MTMR3: variants seen among roughly 807,000 people sequenced by gnomAD.
MTMR3 encodes phosphatidylinositol-3,5-bisphosphate 3-phosphatase MTMR3.
Under a neutral mutation model 132.4 loss-of-function variants are expected in MTMR3, and 32 were observed. The ratio of observed to expected loss-of-function variants is 0.24; its 90% CI spans 0.18 to 0.32. MTMR3 has a LOEUF of 0.32. Ranked by LOEUF, MTMR3 falls within the 10% of genes least tolerant of loss-of-function variation. The probability of loss-of-function intolerance (pLI) is 1.00; values close to 1 mark genes in which losing one functional copy is unlikely to be tolerated. For missense variants in MTMR3, 1,216 were observed against 1,489.6 expected (o/e 0.82, Z 3.02); for synonymous variants, 556 against 550.3 (o/e 1.01, Z -0.14).
intron 1 of MTMR3, among the ~76,000 whole-genome samples, chr22:29,938,589 A>G (rs537560974): frequency 6.6e-6 from 1 of 152,216 alleles, no homozygotes; most frequent in African/African-American, 2.4e-5. Flanking sequence ...CTTCTTTTCC[A>G]TAGCTCACTG....
chr22:30,006,859 C>T, intron 9 of MTMR3: 1 of 435,470 alleles, frequency 2.3e-6, no homozygotes. Flanking sequence ...CATGCCTGAC[C>T]CCTGTTAGTC....
At chr22:30,005,863 A>G (rs1406154746) in intron 9 of MTMR3, 1 of 152,232 alleles carries the variant, frequency 6.6e-6, no homozygotes, top group East Asian at 1.9e-4. Flanking sequence ...CTAGTAAAAC[A>G]TAGAGTGCTT....
Position 30,022,551 on chromosome 22 carries a change from C to T in MTMR3, c.3337-58C>T, listed in dbSNP as rs5763704. 7 of 1,478,326 alleles carry T rather than the reference C, an allele frequency of 4.7e-6. No individual in the cohort carries two copies. In the African/African-American group the frequency reaches 5.5e-5, roughly 12 times the overall value. The allele number at this position is 1,478,326 out of a possible 1,614,324, so 91.6% of individuals were successfully genotyped here. On this transcript the variant is annotated intron_variant, in intron 18 of 19. Coordinates refer to ENST00000401950, the MANE Select transcript of MTMR3 (RefSeq NM_021090.4). ...TCTTGCTGCCCCCAGCATGGCTCTG[C>T]TGGCTCCAGCTGGATGGCCCATCTC...
In MTMR3 at chr22:29,957,290, C is replaced by G. The variant is rs187549306; in HGVS notation, c.-85+202C>G. On this transcript the variant is annotated intron_variant, in intron 2 of 19. Transcript: ENST00000401950. ...TTTTTTTTTTCACTAGGACTCATAC[C>G]AGGTCACTTTTTCTATATATAATTG... Among the ~76,000 whole-genome samples the G allele has an allele frequency of 4.4e-3, 666 of 150,038 alleles. 6 individuals are homozygous for G. Among genetic ancestry groups the G allele is most frequent in the African/African-American group, 0.015 (628 of 40,534 alleles).
At chr22:29,967,224 TG>T (rs2066441818) in intron 2 of MTMR3, among the ~76,000 whole-genome samples, 1 of 112,536 alleles carries the variant, frequency 8.9e-6, no homozygotes, top group East Asian at 4.7e-4. Context: ...TGTGTGTGTG[TG>T]TGTGTGTGCA....
intron 2 of MTMR3, among the ~76,000 whole-genome samples, chr22:29,964,974 T>C (rs973456909): frequency 2.0e-5 from 3 of 152,150 alleles, no homozygotes; most frequent in East Asian, 3.8e-4. Flanking sequence ...TTCAAAATTA[T>C]CAAGGTCTTT....
chr22:29,901,001 T>C (rs558157167), intron 1 of MTMR3, among the ~76,000 whole-genome samples: 1 of 152,314 alleles, frequency 6.6e-6, no homozygotes, highest in South Asian at 2.1e-4. Flanking sequence ...CCTGTGCTCT[T>C]TTTTTGTTAT....
At chr22:29,920,076 T>C (rs556036553) in intron 1 of MTMR3, among the ~76,000 whole-genome samples, 91 of 152,098 alleles carry the variant, frequency 6.0e-4, no homozygotes, top group African/African-American at 2.0e-3. Flanking sequence ...TAGCTGGGCA[T>C]GTTGGCACGT....
At chr22:29,887,410 G>A (rs371830705) in intron 1 of MTMR3, among the ~76,000 whole-genome samples, 8 of 152,202 alleles carry the variant, frequency 5.3e-5, no homozygotes, top group African/African-American at 1.9e-4. Context: ...TATTAGAATC[G>A]TATTGTATTA....
chr22:29,936,875 A>G (rs1322085324), intron 1 of MTMR3, among the ~76,000 whole-genome samples: 1 of 152,174 alleles, frequency 6.6e-6, no homozygotes, highest in Non-Finnish European at 1.5e-5. Flanking sequence ...AATATTAAAA[A>G]ATATGGCCCC....
At chr22:29,928,048 C>A (rs2065556684) in intron 1 of MTMR3, among the ~76,000 whole-genome samples, 2 of 148,880 alleles carry the variant, frequency 1.3e-5, no homozygotes, top group African/African-American at 5.0e-5. Context: ...TCAAGCGATT[C>A]TCCTGCCTCA....
chr22:29,982,937 T>TTTTTTTTTTTTTTTG (rs752531735), intron 5 of MTMR3: 2 of 146,280 alleles, frequency 1.4e-5, no homozygotes, highest in African/African-American at 5.1e-5. Context: ...AAAAGTTTGT[T>TTTTTTTTTTTTTTTG]TGTGTGTGTG....
intron 5 of MTMR3, chr22:29,986,577 C>T (rs2066862215): frequency 2.0e-6 from 2 of 984,620 alleles, no homozygotes; most frequent in Non-Finnish European, 2.4e-6. Context: ...TCTCACAGCA[C>T]CTTGGGGTTA....
At chr22:30,003,715 C>G (rs747349968) in intron 9 of MTMR3, 2 of 152,198 alleles carry the variant, frequency 1.3e-5, no homozygotes, top group Non-Finnish European at 2.9e-5. Context: ...GCTATAAACA[C>G]TGAGCTTCTG....
chr22:29,970,086 A>G (rs1033763767), intron 2 of MTMR3, among the ~76,000 whole-genome samples: 7 of 152,260 alleles, frequency 4.6e-5, no homozygotes, highest in Admixed American at 1.3e-4. Context: ...GTATAAGCCT[A>G]TTTTTGGGTT....
At chr22:30,013,588 G>A in intron 14 of MTMR3, 47 bp downstream of exon 14, 1 of 1,568,570 alleles carries the variant, frequency 6.4e-7, no homozygotes, top group South Asian at 1.1e-5. Flanking sequence ...AGGAGGGTCA[G>A]TACAAATGTT....
At chr22:30,017,829 G>A in intron 15 of MTMR3, 98 bp from the exon 16 acceptor site, 3 of 1,473,634 alleles carry the variant, frequency 2.0e-6, no homozygotes, top group Non-Finnish European at 2.8e-6. Flanking sequence ...CAGCCCTGTT[G>A]GGTATTCCAG....
chr22:30,023,370 C>T, intron 19 of MTMR3: 1 of 1,351,562 alleles, frequency 7.4e-7, no homozygotes, highest in South Asian at 1.2e-5. Flanking sequence ...AATGATGCTT[C>T]TAGGACATGT....
chr22:29,931,632 C>G lies in MTMR3; in HGVS notation c.-137-25404C>G, dbSNP rs546517311. ...GTTCCACCATATTGACCAGGCTGTT[C>G]TTGAACTCCTGACCTCGTGATCCGC... On this transcript the variant is annotated intron_variant, in intron 1 of 19. Transcript: ENST00000401950. Among the ~76,000 whole-genome samples, 11 of 152,316 alleles carry G rather than the reference C, an allele frequency of 7.2e-5. No individual in the cohort carries two copies. The South Asian group carries it at 2.1e-3, about 29-fold the overall frequency.
Sources: gnomAD v4.1 joint callset for allele counts (sites outside exome capture counted in the v4.1 genomes callset) on GRCh38, gnomAD v4.1.1 for gene constraint, MANE v1.5 for transcripts, NCBI Gene and HGNC (gene_info 2026-07-23, HGNC 2026-07-21) for gene names.